The following ZC2HC1A variants were observed in gnomAD, a reference collection of about 807,000 sequenced individuals.
ZC2HC1A encodes zinc finger C2HC domain-containing protein 1A.
In ZC2HC1A, 28 loss-of-function variants were observed where a neutral mutation model predicts 40.7. The ratio of observed to expected loss-of-function variants is 0.69; its 90% confidence interval spans 0.51 to 0.94. The LOEUF (loss-of-function observed/expected upper bound fraction) is 0.94, where lower values mean the gene tolerates loss of function less well. ZC2HC1A is among the 40% of genes least tolerant of loss of function. The pLI, the probability that ZC2HC1A is intolerant of heterozygous loss-of-function variation, is 0.00. For missense variants in ZC2HC1A, 389 were observed against 386.3 expected (o/e 1.01, Z -0.06); for synonymous variants, 129 against 129.2 (o/e 1.00, Z 0.01).
chr8:78,686,543 G>A lies in ZC2HC1A; in HGVS notation c.287G>A (p.Gly96Asp). ...EFIATIRAAK[G>D]LDQALKEGGK... ...ATTGCTACCATAAGAGCAGCTAAAG[G>A]CCTTGATCAGGCCCTCAAAGAGGGT... The change falls in exon 4 of 9, where the codon GGC becomes GAC. Residue 96 changes from glycine to aspartate, a missense_variant. Physicochemically the swap from Gly to Asp is moderately conservative, Grantham distance 94 (BLOSUM62 -1). Transcript: ENST00000263849. The A allele has an allele frequency of 6.5e-7, 1 of 1,548,246 alleles. No homozygotes were observed. The highest frequency in any genetic ancestry group is 8.7e-7 in the Non-Finnish European group (1 of 1,146,246).
chr8:78,716,719 G>A (rs1236147604), intron 8 of ZC2HC1A, among the ~76,000 whole-genome samples: 1 of 152,074 alleles, frequency 6.6e-6, no homozygotes, highest in East Asian at 1.9e-4. Context: ...AAGCGATGTG[G>A]TTTGGATTTG....
chr8:78,703,779 C>A (rs1173930143), intron 7 of ZC2HC1A, among the ~76,000 whole-genome samples: 3 of 152,084 alleles, frequency 2.0e-5, no homozygotes, highest in Non-Finnish European at 2.9e-5. Context: ...AGCCCATTTA[C>A]ATTTAAGACT....
At chr8:78,673,066 G>T (rs1809479059) in intron 1 of ZC2HC1A, among the ~76,000 whole-genome samples, 1 of 151,740 alleles carries the variant, frequency 6.6e-6, no homozygotes, top group African/African-American at 2.4e-5. Flanking sequence ...CCCTCCTTTT[G>T]CCTCCCACCC....
rs764732047 is a variant in ZC2HC1A, at chr8:78,689,342, C to A, written c.473C>A (p.Thr158Asn). Reference sequence around the variant, plus strand: ...AATAAAGGGAAATTTTCTACAGATACCAAAGGAAAACCAACTTCTCGGACA... The same window carrying A: ...AATAAAGGGAAATTTTCTACAGATAACAAAGGAAAACCAACTTCTCGGACA... ...ISNKGKFSTD[T>N]KGKPTSRTQV... The change falls in exon 5 of 9, where the codon ACC (threonine) becomes AAC (asparagine). Residue 158 changes from threonine to asparagine, a missense_variant. By Grantham distance (65) the Thr-to-Asn change is moderately conservative. Coordinates refer to ENST00000263849, the MANE Select transcript of ZC2HC1A (RefSeq NM_016010.3). 2 of 1,596,944 alleles carry A rather than the reference C, an allele frequency of 1.3e-6. No individual in the cohort carries two copies. The highest frequency in any genetic ancestry group is 8.5e-7 in the Non-Finnish European group (1 of 1,172,610).
Position 78,687,986 on chromosome 8 carries a change from T to C in ZC2HC1A, c.353-1236T>C, listed in dbSNP as rs368526999. 2.6e-3 allele frequency among the ~76,000 whole-genome samples: 381 copies of C among 145,600 alleles called. 2 individuals carry two copies. Among genetic ancestry groups the C allele is most frequent in the Admixed American group, 6.5e-3 (93 of 14,238 alleles). ...TTTATATATAAATATATATAAATTATATATATATAAATATAAAATGAGCAT... is the reference window on the plus strand; with the variant it reads ...TTTATATATAAATATATATAAATTACATATATATAAATATAAAATGAGCAT... On this transcript the variant is annotated intron_variant, in intron 4 of 8. Coordinates refer to ENST00000263849, the MANE Select transcript of ZC2HC1A (RefSeq NM_016010.3).
chr8:78,689,004 G>T (rs1242698590), intron 4 of ZC2HC1A, among the ~76,000 whole-genome samples: 1 of 147,066 alleles, frequency 6.8e-6, no homozygotes, highest in Non-Finnish European at 1.5e-5. Flanking sequence ...TTCAAAGCTA[G>T]AAGAAAATTG....
At chr8:78,712,546 T>C (rs1810983417) in intron 7 of ZC2HC1A, among the ~76,000 whole-genome samples, 1 of 152,166 alleles carries the variant, frequency 6.6e-6, no homozygotes, top group Admixed American at 6.6e-5. Context: ...GAAAAGATTT[T>C]AGGAAACTTT....
Position 78,686,486 on chromosome 8 carries a change from C to A in ZC2HC1A, c.230C>A (p.Pro77Gln). 1 of 1,512,148 alleles carries A rather than the reference C, an allele frequency of 6.6e-7. No individual in the cohort carries two copies. The highest frequency in any genetic ancestry group is 1.4e-5 in the African/African-American group (1 of 70,266). The allele number at this position is 1,512,148 out of a possible 1,614,324, so 93.7% of individuals were successfully genotyped here. Reference protein sequence around the residue: ...LKPRPEPPKKPSNWRRKHEEF... With the variant: ...LKPRPEPPKKQSNWRRKHEEF... ...TTATAGCCAGAACCACCAAAGAAACCATCTAATTGGAGAAGGAAACATGAA... is the reference window on the plus strand; with the variant it reads ...TTATAGCCAGAACCACCAAAGAAACAATCTAATTGGAGAAGGAAACATGAA... Residue 77 changes from proline to glutamine, a missense_variant, in exon 4 of 9, where the codon CCA becomes CAA. Pro to Gln is a moderately conservative substitution (Grantham distance 76). Coordinates refer to ENST00000263849, the MANE Select transcript of ZC2HC1A (RefSeq NM_016010.3).
Position 78,718,207 on chromosome 8 carries a change from G to C in ZC2HC1A, c.*714G>C, listed in dbSNP as rs1811165095. 6.6e-6 allele frequency: 1 copy of C among 151,736 alleles called. No individual in the cohort carries two copies. The highest frequency in any genetic ancestry group is 2.4e-5 in the African/African-American group (1 of 41,358). The allele number at this position is 151,736 out of a possible 1,614,324, so 9.4% of individuals were successfully genotyped here. A position where few individuals can be genotyped will look rare whatever the true frequency, so the allele number is the denominator to read the frequency against. On this transcript the variant is annotated 3_prime_UTR_variant, in exon 9 of 9. Transcript: ENST00000263849. The stretch of plus-strand genomic sequence containing the variant: ...TTTTTTAGTTCTGTATGTATTCGTT[G>C]AACATATTTTTTTACTTCCAATTGT...
intron 7 of ZC2HC1A, among the ~76,000 whole-genome samples, chr8:78,706,907 T>A (rs556308376): frequency 2.6e-4 from 40 of 152,166 alleles, no homozygotes; most frequent in Non-Finnish European, 1.0e-4. Flanking sequence ...ACAATATCTT[T>A]TGAGTTAAGT....
At position 78,710,362 on chromosome 8, in the gene ZC2HC1A, C is replaced by T. The variant is rs534748320; in HGVS notation, c.705-4859C>T. Among the ~76,000 whole-genome samples the T allele has an allele frequency of 2.6e-5, 4 of 152,066 alleles. No homozygotes were observed. The South Asian group carries it at 8.3e-4, about 32-fold the overall frequency. Reference sequence around the variant, plus strand: ...GTATGGTTAAAATCATTACTGGAACCTGTCCTTCAATTAGGTTTTCAAAAT... The same window carrying T: ...GTATGGTTAAAATCATTACTGGAACTTGTCCTTCAATTAGGTTTTCAAAAT... On this transcript the variant is annotated intron_variant, in intron 7 of 8. Coordinates refer to ENST00000263849, the MANE Select transcript of ZC2HC1A (RefSeq NM_016010.3).
Position 78,689,362 on chromosome 8 carries a change from C to T in ZC2HC1A, c.493C>T (p.Arg165Trp), listed in dbSNP as rs373208347. The T allele has an allele frequency of 6.3e-6, 10 of 1,587,568 alleles. No individual in the cohort carries two copies. Among genetic ancestry groups the T allele is most frequent in the Middle Eastern group, 1.7e-4 (1 of 5,946 alleles). The change falls in exon 5 of 9, where the codon CGG (arginine) becomes TGG (tryptophan). Residue 165 changes from arginine (R) to tryptophan (W), a missense_variant. Arg to Trp is a moderately radical substitution (Grantham distance 101, BLOSUM62 -3). Transcript: ENST00000263849. ...STDTKGKPTS[R>W]TQVYKPPALK... ...AGATACCAAAGGAAAACCAACTTCT[C>T]GGACACAGGTGGTAAGTTCAGTTTT...
At chr8:78,682,715 T>C (rs1809828640) in intron 3 of ZC2HC1A, among the ~76,000 whole-genome samples, 2 of 152,152 alleles carry the variant, frequency 1.3e-5, no homozygotes, top group South Asian at 2.1e-4. Context: ...CAATCATGCC[T>C]TCCCAACAGT....
chr8:78,678,810 A>C lies in ZC2HC1A; in HGVS notation c.210+131A>C, dbSNP rs1455517562. 1.1e-5 allele frequency: 6 copies of C among 523,108 alleles called. No homozygotes were observed. The East Asian group carries it at 2.1e-4, about 18-fold the overall frequency. The allele number at this position is 523,108 out of a possible 1,614,324, so 32.4% of individuals were successfully genotyped here. A position where few individuals can be genotyped will look rare whatever the true frequency, so the allele number is the denominator to read the frequency against. On this transcript the variant is annotated intron_variant, in intron 3 of 8. Transcript: ENST00000263849. ...ACATTAAGATTAAAGAATAAATACA[A>C]TTCTGTGTTATATGTTCAGTTTAGA...
At chr8:78,677,585 T>A (rs1202267144) in intron 2 of ZC2HC1A, among the ~76,000 whole-genome samples, 1 of 152,154 alleles carries the variant, frequency 6.6e-6, no homozygotes, top group East Asian at 1.9e-4. Context: ...TTTGTAATCC[T>A]AAAACTAATG....
chr8:78,696,845 A>G (rs1810434740), intron 5 of ZC2HC1A, among the ~76,000 whole-genome samples: 1 of 152,218 alleles, frequency 6.6e-6, no homozygotes, highest in Non-Finnish European at 1.5e-5. Context: ...ATAAAAACAC[A>G]TCCAGGAACA....
chr8:78,690,711 ATT>A (rs1208088032), intron 5 of ZC2HC1A, among the ~76,000 whole-genome samples: 1 of 152,100 alleles, frequency 6.6e-6, no homozygotes, highest in Non-Finnish European at 1.5e-5. Flanking sequence ...TTTTAACAAT[ATT>A]GAGTTGTTCA....
At chr8:78,672,125 A>G (rs1046193431) in intron 1 of ZC2HC1A, among the ~76,000 whole-genome samples, 1 of 152,144 alleles carries the variant, frequency 6.6e-6, no homozygotes, top group Non-Finnish European at 1.5e-5. Flanking sequence ...CTATACTGTC[A>G]TGTCTTTTAA....
At chr8:78,706,952 G>T (rs923414912) in intron 7 of ZC2HC1A, among the ~76,000 whole-genome samples, 2 of 152,130 alleles carry the variant, frequency 1.3e-5, no homozygotes, top group Non-Finnish European at 1.5e-5. Context: ...AAAAACAAGA[G>T]ACAGGCTATC....
Sources: allele counts gnomAD v4.1 joint callset (sites outside exome capture counted in the v4.1 genomes callset), GRCh38; gene constraint gnomAD v4.1.1; transcripts MANE v1.5; gene names NCBI Gene and HGNC (gene_info 2026-07-23, HGNC 2026-07-21).